Variants in OR2V1 observed in about 807,000 individuals in gnomAD.
The protein encoded by OR2V1 is olfactory receptor family 2 subfamily V member 1.
In OR2V1, 18 loss-of-function variants were observed where a neutral mutation model predicts 15.0. The ratio of observed to expected loss-of-function variants is 1.20; its 90% CI spans 0.83 to 1.78. The LOEUF (loss-of-function observed/expected upper bound fraction) is 1.78, where lower values mean the gene tolerates loss of function less well. OR2V1 is among the 40% of genes most tolerant of loss of function. The pLI, the probability that OR2V1 is intolerant of heterozygous loss-of-function variation, is 0.00. For missense variants in OR2V1, 359 were observed against 392.9 expected (o/e 0.91, Z 0.73); for synonymous variants, 144 against 146.1 (o/e 0.99, Z 0.10).
chr5:181,129,385 C>A (rs530170194), intron 3 of OR2V1, 135 bp downstream of exon 3: 6 of 152,270 alleles, frequency 3.9e-5, no homozygotes, highest in African/African-American at 1.2e-4. Flanking sequence ...AATGATAGAG[C>A]TATGACATTG....
chr5:181,126,461 G>C (rs895327541), intron 3 of OR2V1, among the ~76,000 whole-genome samples: 2 of 133,202 alleles, frequency 1.5e-5, no homozygotes, highest in South Asian at 2.6e-4. Flanking sequence ...CACACACAGA[G>C]ACACACAGAC....
Position 181,124,596 on chromosome 5 carries a change from T to G in OR2V1, c.709A>C (p.Lys237Gln). The change falls in exon 4 of 4, where the codon AAA becomes CAA. Residue 237 changes from lysine to glutamine, a missense_variant. Transcript: ENST00000641551. ...TGGGAGGAGCAGGTGGCCAGGGCTT[T>G]TTTCCAGGCCTGAGCAGAGCGTATT... ...LRIRSAQAWK[K>Q]ALATCSSHLT... The G allele has an allele frequency of 1.2e-6, 2 of 1,613,230 alleles. No individual in the cohort carries two copies. Among genetic ancestry groups the G allele is most frequent in the Non-Finnish European group, 1.7e-6 (2 of 1,179,562 alleles).
At chr5:181,128,704 C>G (rs1762919825) in intron 3 of OR2V1, among the ~76,000 whole-genome samples, 1 of 152,168 alleles carries the variant, frequency 6.6e-6, no homozygotes, top group African/African-American at 2.4e-5. Context: ...CCCTCAGCAC[C>G]CATTTAGAGC....
At chr5:181,125,434 C>G in intron 3 of OR2V1, 109 bp from the exon 4 acceptor site, 2 of 790,934 alleles carry the variant, frequency 2.5e-6, no homozygotes, top group South Asian at 3.6e-5. Context: ...CACTCGTATT[C>G]CTGTGACACA....
rs566715961 is a variant in OR2V1 at position 181,125,523 on chromosome 5, A to C, written c.-21-198T>G. Among the ~76,000 whole-genome samples the C allele has an allele frequency of 2.0e-5, 3 of 152,342 alleles. No homozygotes were observed. In the South Asian group the frequency reaches 6.2e-4, roughly 32 times the overall value. On this transcript the variant is annotated intron_variant, in intron 3 of 3. Transcript: ENST00000641551. ...ATATCCATACCCAGAGAGTGGACAT[A>C]GGATCATTTCATGAGACCCAGGACT...
rs1762859577 is a variant in OR2V1 at position 181,125,271 on chromosome 5, C to T, written c.34G>A (p.Gly12Ser). Residue 12 changes from glycine to serine, a missense_variant, in exon 4 of 4, where the codon GGC becomes AGC. Transcript: ENST00000641551. ...GRWVNQSYTD[G>S]FFLLGIFSHS... is the part of the protein sequence containing the mutation. ...GAAAAGATGCCCAAGAGGAAGAAGC[C>T]ATCTGTGTAGGACTGGTTCACCCAT... The T allele has an allele frequency of 6.2e-7, 1 of 1,613,696 alleles. No individual in the cohort carries two copies. The highest frequency in any genetic ancestry group is 8.5e-7 in the Non-Finnish European group (1 of 1,180,036).
At chr5:181,130,136 AAG>A in intron 2 of OR2V1, 35 bp downstream of exon 2, 1 of 398,928 alleles carries the variant, frequency 2.5e-6, no homozygotes, top group Non-Finnish European at 4.4e-6. Flanking sequence ...AGCTGCAGGG[AAG>A]AGAGAGGGGA....
At chr5:181,127,274 A>T (rs926375177) in intron 3 of OR2V1, among the ~76,000 whole-genome samples, 1 of 152,188 alleles carries the variant, frequency 6.6e-6, no homozygotes, top group African/African-American at 2.4e-5. Flanking sequence ...TATGTGATGG[A>T]GTGACATGTG....
rs1762843819 is a variant in OR2V1, at chr5:181,124,419, C to T, written c.886G>A (p.Gly296Arg). Residue 296 changes from glycine to arginine, a missense_variant, in exon 4 of 4, where the codon GGG (glycine) becomes AGG (arginine). Physicochemically the swap from Gly to Arg is moderately radical, Grantham distance 125. Coordinates refer to ENST00000641551, the MANE Select transcript of OR2V1 (RefSeq NM_001258283.2). ...LNPLIYSLRN[G>R]EVMGALRKGL... ...TTCCTCAGTGCCCCCATCACCTCCC[C>T]ATTCCTCAAGCTGTAAATGAGGGGG... 2.5e-6 allele frequency: 4 copies of T among 1,612,526 alleles called. No individual in the cohort carries two copies. Among genetic ancestry groups the T allele is most frequent in the African/African-American group, 2.7e-5 (2 of 75,006 alleles).
chr5:181,126,053 A>G (rs1018042366), intron 3 of OR2V1, among the ~76,000 whole-genome samples: 2 of 152,224 alleles, frequency 1.3e-5, no homozygotes, highest in Admixed American at 6.5e-5. Flanking sequence ...TACTTTGTTC[A>G]GGTCAAAAAT....
In OR2V1 at chr5:181,124,846, C is replaced by T. The variant is rs770914804; in HGVS notation, c.459G>A (p.Gly153=). 1.9e-6 allele frequency: 3 copies of T among 1,601,030 alleles called. No individual in the cohort carries two copies. Among genetic ancestry groups the T allele is most frequent in the Non-Finnish European group, 8.5e-7 (1 of 1,173,282 alleles). ...CCATCTGAATCACTCCATCTATTAT[C>T]CCAAAGGCCCAGGAGCTCCCAGTAA... ...LQITGSSWAF[G]IIDGVIQMVA... The change falls in exon 4 of 4, where the codon GGG becomes GGA. Residue 153 remains glycine, a synonymous_variant. Transcript: ENST00000641551.
Sources: allele counts gnomAD v4.1 joint callset (sites outside exome capture counted in the v4.1 genomes callset), GRCh38; gene constraint gnomAD v4.1.1; transcripts MANE v1.5; gene names NCBI Gene and HGNC (gene_info 2026-07-23, HGNC 2026-07-21).